Variants in MCPH1 observed in about 807,000 individuals in gnomAD.
The protein encoded by MCPH1 is microcephalin.
Under a neutral mutation model 84.5 loss-of-function variants are expected in MCPH1, and 104 were observed. The ratio of observed to expected loss-of-function variants is 1.23; its 90% CI spans 1.05 to 1.45. The LOEUF (loss-of-function observed/expected upper bound fraction) is 1.45. Ranked by LOEUF, MCPH1 falls within the 40% of genes most tolerant of loss-of-function variation. The pLI is 0.00. For missense variants in MCPH1, 1,498 were observed against 1,005.7 expected, an observed-to-expected ratio of 1.49 and a Z score of -6.62; for synonymous variants, 514 against 366.8, an observed-to-expected ratio of 1.40 and a Z score of -4.58.
intron 11 of MCPH1, among the ~76,000 whole-genome samples, chr8:6,482,650 C>T (rs931478746): frequency 6.6e-6 from 1 of 152,334 alleles, no homozygotes; most frequent in South Asian, 2.1e-4. Context: ...TGAGAACGTA[C>T]TGCCTTTGCT....
chr8:6,598,970 T>C lies in MCPH1; in HGVS notation c.2215-22484T>C, dbSNP rs140311752. 7.4e-3 allele frequency among the ~76,000 whole-genome samples: 1,124 copies of C among 152,312 alleles called. 18 individuals carry two copies. The highest frequency in any genetic ancestry group is 0.026 in the African/African-American group (1,083 of 41,564). On this transcript the variant is annotated intron_variant, in intron 12 of 13. Coordinates refer to ENST00000344683, the MANE Select transcript of MCPH1 (RefSeq NM_024596.5). ...GCTGAGCTGGGTGGTGAAAAGACCC[T>C]AATTAGTTCTGATTCCTTAAGGCAT...
intron 13 of MCPH1, among the ~76,000 whole-genome samples, chr8:6,636,359 A>C (rs565657662): frequency 1.3e-5 from 2 of 149,710 alleles, no homozygotes; most frequent in African/African-American, 4.9e-5. Flanking sequence ...AAAAAGTCAC[A>C]GTCAGGAATG....
At chr8:6,621,413 G>A (rs1332561054) in intron 12 of MCPH1, 41 bp from the exon 13 acceptor site, 1 of 1,611,194 alleles carries the variant, frequency 6.2e-7, no homozygotes, top group Admixed American at 1.7e-5. Flanking sequence ...GGAGACTGGA[G>A]TGGTCCCACC....
chr8:6,466,600 C>T (rs1563248638), intron 9 of MCPH1, among the ~76,000 whole-genome samples: 2 of 152,166 alleles, frequency 1.3e-5, no homozygotes, highest in East Asian at 1.9e-4. Flanking sequence ...AGCCACCACG[C>T]GCAGCCCTTT....
At chr8:6,485,538 AT>A (rs966956007) in intron 11 of MCPH1, among the ~76,000 whole-genome samples, 4 of 151,914 alleles carry the variant, frequency 2.6e-5, no homozygotes, top group Non-Finnish European at 5.9e-5. Flanking sequence ...TAAAAAAAAA[AT>A]GAAAAGAATT....
At chr8:6,410,341 C>G (rs1007328197) in intron 2 of MCPH1, among the ~76,000 whole-genome samples, 7 of 151,936 alleles carry the variant, frequency 4.6e-5, no homozygotes, top group Admixed American at 3.3e-4. Context: ...TTTTTAAAAA[C>G]TACAGAAAGT....
At chr8:6,591,294 T>G (rs940814400) in intron 12 of MCPH1, among the ~76,000 whole-genome samples, 1 of 152,260 alleles carries the variant, frequency 6.6e-6, no homozygotes, top group African/African-American at 2.4e-5. Flanking sequence ...TTATAGTCAC[T>G]CTACTTATTG....
chr8:6,604,652 G>A (rs764790064), intron 12 of MCPH1, among the ~76,000 whole-genome samples: 5 of 152,196 alleles, frequency 3.3e-5, no homozygotes, highest in African/African-American at 4.8e-5. Context: ...CTATACGTGC[G>A]TGCCACCACG....
intron 12 of MCPH1, among the ~76,000 whole-genome samples, chr8:6,583,309 T>C (rs1383042550): frequency 6.6e-6 from 1 of 152,116 alleles, no homozygotes; most frequent in Non-Finnish European, 1.5e-5. Context: ...TTGACACAAA[T>C]AATAGCTGGC....
intron 3 of MCPH1, among the ~76,000 whole-genome samples, chr8:6,417,987 CATT>C (rs914321271): frequency 2.0e-5 from 3 of 152,212 alleles, no homozygotes; most frequent in African/African-American, 7.2e-5. Flanking sequence ...CGCACACTGT[CATT>C]ATGTGGGCAG....
chr8:6,498,128 T>C (rs751125361), intron 11 of MCPH1, among the ~76,000 whole-genome samples: 3 of 152,262 alleles, frequency 2.0e-5, no homozygotes, highest in Non-Finnish European at 2.9e-5. Flanking sequence ...TGAATGATAA[T>C]ATTAAAATGT....
At chr8:6,642,876 C>A in intron 13 of MCPH1, 118 bp from the exon 14 acceptor site, 1 of 942,700 alleles carries the variant, frequency 1.1e-6, no homozygotes, top group Non-Finnish European at 1.7e-6. Context: ...GGCCTATGGA[C>A]AACACAGCTC....
rs552074297 is a variant in MCPH1 at position 6,605,594 on chromosome 8, C to G, written c.2215-15860C>G. On this transcript the variant is annotated intron_variant, in intron 12 of 13. Coordinates refer to ENST00000344683, the MANE Select transcript of MCPH1 (RefSeq NM_024596.5). ...CCACATAGTAGCTGGACTCTAGACT[C>G]TAAGCAGGGATGAAGTCAGTGGCTG... Among the ~76,000 whole-genome samples the G allele has an allele frequency of 5.9e-5, 9 of 152,350 alleles. No individual in the cohort carries two copies. In the South Asian group the frequency reaches 1.9e-3, roughly 32 times the overall value.
intron 5 of MCPH1, 96 bp downstream of exon 5, chr8:6,436,258 A>T (rs1802623762): frequency 7.8e-7 from 1 of 1,274,574 alleles, no homozygotes; most frequent in African/African-American, 1.5e-5. Context: ...GAGAGAGCTG[A>T]TGAAGACTAT....
chr8:6,590,754 T>C lies in MCPH1; in HGVS notation c.2215-30700T>C, dbSNP rs984390714. Among the ~76,000 whole-genome samples the C allele has an allele frequency of 2.2e-4, 33 of 152,364 alleles. 1 individual carries two copies. Among genetic ancestry groups the C allele is most frequent in the South Asian group, 8.3e-4 (4 of 4,828 alleles). ...TCTTGCAGTAACCCTAGGGTAGGTA[T>C]GATGGTGATCTCTGCTTCAAAGATG... is the stretch of plus-strand genomic sequence containing the variant. On this transcript the variant is annotated intron_variant, in intron 12 of 13. Coordinates refer to ENST00000344683, the MANE Select transcript of MCPH1 (RefSeq NM_024596.5).
intron 11 of MCPH1, among the ~76,000 whole-genome samples, chr8:6,492,762 A>G (rs3020291): frequency 0.073 from 10,936 of 149,540 alleles, 1,025 homozygotes; most frequent in African/African-American, 0.21. Flanking sequence ...TTAATATTAT[A>G]AAATTAATAA....
At chr8:6,595,682 G>A (rs890169423) in intron 12 of MCPH1, among the ~76,000 whole-genome samples, 2 of 152,216 alleles carry the variant, frequency 1.3e-5, no homozygotes, top group Non-Finnish European at 1.5e-5. Flanking sequence ...TGTCCAACAA[G>A]GTCTTCAGAG....
chr8:6,506,539 G>C (rs940592078), intron 12 of MCPH1, among the ~76,000 whole-genome samples: 1 of 152,104 alleles, frequency 6.6e-6, no homozygotes, highest in Non-Finnish European at 1.5e-5. Context: ...GAGAGAGCTG[G>C]GTCCAGCATG....
chr8:6,417,973 G>T (rs1390610761), intron 3 of MCPH1, among the ~76,000 whole-genome samples: 1 of 152,210 alleles, frequency 6.6e-6, no homozygotes, highest in Admixed American at 6.5e-5. Context: ...TCGTTAAAAT[G>T]AAACGCACAC....
Sources: gnomAD v4.1 joint callset for allele counts (sites outside exome capture counted in the v4.1 genomes callset) on GRCh38, gnomAD v4.1.1 for gene constraint, MANE v1.5 for transcripts, NCBI Gene and HGNC (gene_info 2026-07-23, HGNC 2026-07-21) for gene names.